The following GRIA4 variants were observed in gnomAD, a reference collection of about 807,000 sequenced individuals.
The protein encoded by GRIA4 is glutamate receptor 4.
A neutral mutation model predicts 104.0 loss-of-function variants in GRIA4; 34 were observed. That is an observed-to-expected ratio of 0.33 (90% CI 0.25 to 0.44). The LOEUF (loss-of-function observed/expected upper bound fraction) is 0.44. Among genes scored for constraint, GRIA4 ranks in the 20% least tolerant of loss-of-function variants. The pLI, the probability that GRIA4 is intolerant of heterozygous loss-of-function variation, is 1.00. For missense variants in GRIA4, 750 were observed against 1,096.5 expected, an observed-to-expected ratio of 0.68 and a Z score of 4.46; for synonymous variants, 386 against 381.9, an observed-to-expected ratio of 1.01 and a Z score of -0.13.
intron 4 of GRIA4, among the ~76,000 whole-genome samples, chr11:105,859,643 T>C (rs1945145747): frequency 6.6e-6 from 1 of 152,032 alleles, no homozygotes; most frequent in South Asian, 2.1e-4. Context: ...ATATTTAGAG[T>C]ATCGTGCCAA....
intron 3 of GRIA4, among the ~76,000 whole-genome samples, chr11:105,637,339 T>C (rs1198249945): frequency 6.6e-6 from 1 of 152,192 alleles, no homozygotes; most frequent in Admixed American, 6.6e-5. Flanking sequence ...TATAATATAA[T>C]TGCTATTTAA....
chr11:105,738,070 G>A (rs2135639660), intron 3 of GRIA4, among the ~76,000 whole-genome samples: 1 of 137,630 alleles, frequency 7.3e-6, no homozygotes, highest in South Asian at 2.2e-4. Context: ...TCCCTCTCAT[G>A]CTTAACACAT....
intron 5 of GRIA4, among the ~76,000 whole-genome samples, chr11:105,882,045 A>C (rs1212720106): frequency 6.6e-6 from 1 of 152,182 alleles, no homozygotes; most frequent in Non-Finnish European, 1.5e-5. Context: ...TCTGCAGTAA[A>C]ATATTTTAAA....
intron 12 of GRIA4, among the ~76,000 whole-genome samples, chr11:105,925,477 T>A (rs1331225282): frequency 6.6e-6 from 1 of 152,098 alleles, no homozygotes; most frequent in Non-Finnish European, 1.5e-5. Context: ...GCTGAAGGTA[T>A]GAGAAGAAAA....
chr11:105,934,606 G>C (rs1444076669), intron 14 of GRIA4, among the ~76,000 whole-genome samples: 1 of 152,094 alleles, frequency 6.6e-6, no homozygotes, highest in Non-Finnish European at 1.5e-5. Context: ...TGTAAAATTA[G>C]ACCCAATGGC....
intron 7 of GRIA4, among the ~76,000 whole-genome samples, chr11:105,903,054 A>G (rs755711957): frequency 5.9e-5 from 9 of 152,068 alleles, no homozygotes; most frequent in Non-Finnish European, 8.8e-5. Flanking sequence ...CTTTTCTCAG[A>G]GGTGGGGGGA....
rs1950504258 is a variant in GRIA4 at position 105,612,421 on chromosome 11, T to A, written c.234T>A (p.Ala78=). ...VDNIETANSF[A]VTNAFCSQYS... ...ACATTGAGACAGCCAACAGTTTTGC[T>A]GTAACAAACGCCTGTAAGTAAAACA... is the stretch of plus-strand genomic sequence containing the variant. Residue 78 remains alanine, a synonymous_variant, in exon 3 of 17, where the codon GCT becomes GCA. Transcript: ENST00000282499. 1.2e-6 allele frequency: 2 copies of A among 1,613,958 alleles called. No homozygotes were observed. Among genetic ancestry groups the A allele is most frequent in the Non-Finnish European group, 1.7e-6 (2 of 1,179,960 alleles).
intron 3 of GRIA4, among the ~76,000 whole-genome samples, chr11:105,713,915 G>A (rs567474630): frequency 6.6e-6 from 1 of 152,304 alleles, no homozygotes; most frequent in East Asian, 1.9e-4. Flanking sequence ...TGTGCTGGCA[G>A]ACTGTAGACC....
chr11:105,662,007 TTG>T (rs34715406), intron 3 of GRIA4, among the ~76,000 whole-genome samples: 9 of 149,958 alleles, frequency 6.0e-5, no homozygotes, highest in East Asian at 3.9e-4. Context: ...GTGTGTGTGT[TTG>T]TGTGTGTGTG....
Position 105,623,053 on chromosome 11 carries a change from G to GTATATATATA in GRIA4, c.247+10648_247+10657dup, listed in dbSNP as rs58596312. On this transcript the variant is annotated intron_variant, in intron 3 of 16. Transcript: ENST00000282499. ...TTTTATGGCCAAGTAGTATTCCATT[G>GTATATATATA]TATATATATATATATATATATATAT... Among the ~76,000 whole-genome samples the GTATATATATA allele has an allele frequency of 3.3e-3, 419 of 127,614 alleles. 2 individuals carry two copies. Among genetic ancestry groups the GTATATATATA allele is most frequent in the Middle Eastern group, 3.8e-3 (1 of 262 alleles). The allele number at this position is 127,614 out of a possible 152,430, so 83.7% of individuals were successfully genotyped here. A position where few individuals can be genotyped will look rare whatever the true frequency, so the allele number is the denominator to read the frequency against.
intron 4 of GRIA4, among the ~76,000 whole-genome samples, chr11:105,793,875 A>C (rs957183513): frequency 6.6e-6 from 1 of 152,178 alleles, no homozygotes; most frequent in Non-Finnish European, 1.5e-5. Flanking sequence ...CCAACATGCT[A>C]TTTGAACACC....
At chr11:105,960,238 G>C (rs995748411) in intron 14 of GRIA4, among the ~76,000 whole-genome samples, 1 of 152,252 alleles carries the variant, frequency 6.6e-6, no homozygotes, top group Admixed American at 6.5e-5. Context: ...CTGGTCCGCA[G>C]AGACTGCAGC....
rs1169061464 is a variant in GRIA4 at position 105,980,396 on chromosome 11, T to C, written c.*657T>C. The C allele has an allele frequency of 6.6e-6, 1 of 152,642 alleles. No homozygotes were observed. The highest frequency in any genetic ancestry group is 1.5e-5 in the Non-Finnish European group (1 of 68,036). 9.5% of individuals were successfully genotyped at this position (152,642 alleles called of 1,614,324 possible). On this transcript the variant is annotated 3_prime_UTR_variant, in exon 17 of 17. Transcript: ENST00000282499. ...CTAACCATCTTAGGGAACAATACAT[T>C]GCAATAATTGATATAAATGCCATCA...
intron 3 of GRIA4, among the ~76,000 whole-genome samples, chr11:105,680,869 C>T (rs1368397261): frequency 6.6e-6 from 1 of 152,178 alleles, no homozygotes; most frequent in South Asian, 2.1e-4. Flanking sequence ...TAACTCACCT[C>T]CTTGCAAGCA....
At chr11:105,677,783 A>G (rs917085208) in intron 3 of GRIA4, among the ~76,000 whole-genome samples, 15 of 152,008 alleles carry the variant, frequency 9.9e-5, no homozygotes, top group Non-Finnish European at 2.1e-4. Flanking sequence ...AAGATCTTAG[A>G]AAAAGGGAAT....
chr11:105,721,961 G>T (rs73630112), intron 3 of GRIA4, among the ~76,000 whole-genome samples: 1 of 152,070 alleles, frequency 6.6e-6, no homozygotes, highest in Non-Finnish European at 1.5e-5. Flanking sequence ...TAAATCTAAC[G>T]CAAGCTGGAA....
rs886926983 is a variant in GRIA4, at chr11:105,831,042, T to C, written c.488-30982T>C. Among the ~76,000 whole-genome samples the C allele has an allele frequency of 3.3e-5, 5 of 152,088 alleles. No homozygotes were observed. In the East Asian group the frequency reaches 9.7e-4, roughly 30 times the overall value. On this transcript the variant is annotated intron_variant, in intron 4 of 16. Transcript: ENST00000282499. ...AAATGTGGTAACTTTAAAAAGCATT[T>C]ATTATTTCTAATGACTTTTTGTGAT...
At chr11:105,840,083 A>T (rs1314912920) in intron 4 of GRIA4, among the ~76,000 whole-genome samples, 1 of 152,240 alleles carries the variant, frequency 6.6e-6, no homozygotes, top group Non-Finnish European at 1.5e-5. Context: ...TTATAAGTTT[A>T]TACAAATCAA....
At chr11:105,916,482 C>CA (rs748177106) in intron 10 of GRIA4, among the ~76,000 whole-genome samples, 10 of 152,098 alleles carry the variant, frequency 6.6e-5, no homozygotes, top group Non-Finnish European at 1.5e-4. Flanking sequence ...GCCATTATTA[C>CA]AAAAAAATTA....
Sources: gnomAD v4.1 joint callset for allele counts (sites outside exome capture counted in the v4.1 genomes callset) on GRCh38, gnomAD v4.1.1 for gene constraint, MANE v1.5 for transcripts, NCBI Gene and HGNC (gene_info 2026-07-23, HGNC 2026-07-21) for gene names.